CAMTA1: variants seen among roughly 807,000 people sequenced by gnomAD.
CAMTA1 encodes the protein calmodulin binding transcription activator 1.
CAMTA1 carries 27 observed loss-of-function variants against 170.9 expected under a neutral mutation model. The ratio of observed to expected loss-of-function variants is 0.16; its 90% CI spans 0.12 to 0.22. The LOEUF is 0.22. Ranked by LOEUF, CAMTA1 falls within the 10% of genes least tolerant of loss-of-function variation. The pLI, the probability that CAMTA1 is intolerant of heterozygous loss-of-function variation, is 1.00. For synonymous variants in CAMTA1, 833 were observed against 891.5 expected, an observed-to-expected ratio of 0.93 and a Z score of 1.17; for missense variants, 1,619 against 2,217.2, an observed-to-expected ratio of 0.73 and a Z score of 5.42.
intron 6 of CAMTA1, among the ~76,000 whole-genome samples, chr1:7,590,058 CCCTGAGTTTGGATCCTTTT>C (rs2095343594): frequency 6.6e-6 from 1 of 152,294 alleles, no homozygotes; most frequent in Admixed American, 6.5e-5. Flanking sequence ...GAGGGCCAGG[CCCTGAGTTTGGATCCTTTT>C]CCTGGAAGTC....
chr1:7,217,211 C>T (rs1323651982), intron 4 of CAMTA1, among the ~76,000 whole-genome samples: 2 of 152,170 alleles, frequency 1.3e-5, no homozygotes, highest in African/African-American at 4.8e-5. Context: ...TTATAAGGGG[C>T]TTCTCCCCCT....
rs2095994227 is a variant in CAMTA1 at position 7,665,603 on chromosome 1, T to C, written c.2652+404T>C. 6.6e-6 allele frequency among the ~76,000 whole-genome samples: 1 copy of C among 152,096 alleles called. No individual in the cohort carries two copies. The highest frequency in any genetic ancestry group is 2.1e-4 in the South Asian group (1 of 4,824). ...GGTGGGGCCTGCCTATGGTCCCAGCTATTCTGGAGGCTGAGTCCGGAGGAG... is the reference window on the plus strand; with the variant it reads ...GGTGGGGCCTGCCTATGGTCCCAGCCATTCTGGAGGCTGAGTCCGGAGGAG... On this transcript the variant is annotated intron_variant, in intron 9 of 22. Coordinates refer to ENST00000303635, the MANE Select transcript of CAMTA1 (RefSeq NM_015215.4). This position sits in a 1 kb window ranked among gnomAD's most constrained non-coding sequence, Gnocchi z 4.3.
rs1353332363 is a variant in CAMTA1, at chr1:7,180,245, T to C, written c.303-69246T>C. Reference sequence around the variant, plus strand: ...AGCTGAGCATGGTGTCACGTTCCTGTAATCCCAGCTACTTGGGAGGCTGAG... The same window carrying C: ...AGCTGAGCATGGTGTCACGTTCCTGCAATCCCAGCTACTTGGGAGGCTGAG... On this transcript the variant is annotated intron_variant, in intron 4 of 22. Coordinates refer to ENST00000303635, the MANE Select transcript of CAMTA1 (RefSeq NM_015215.4). Among the ~76,000 whole-genome samples the C allele has an allele frequency of 4.6e-5, 7 of 152,002 alleles. 1 individual carries two copies. Among genetic ancestry groups the C allele is most frequent in the Admixed American group, 1.3e-4 (2 of 15,260 alleles).
At chr1:7,611,839 C>T (rs2150685177) in intron 6 of CAMTA1, among the ~76,000 whole-genome samples, 1 of 152,342 alleles carries the variant, frequency 6.6e-6, no homozygotes, top group African/African-American at 2.4e-5. Context: ...CCTTGCCAAG[C>T]CCCCTGTCTT....
chr1:6,944,732 T>C (rs1201759455), intron 3 of CAMTA1, among the ~76,000 whole-genome samples: 2 of 152,262 alleles, frequency 1.3e-5, no homozygotes, highest in African/African-American at 4.8e-5. Flanking sequence ...CTTTCTGACA[T>C]ACTACAGACA....
At chr1:6,907,082 A>G (rs1320155555) in intron 3 of CAMTA1, among the ~76,000 whole-genome samples, 6 of 152,148 alleles carry the variant, frequency 3.9e-5, no homozygotes, top group Admixed American at 2.0e-4. Context: ...TTAAGATCTC[A>G]GTATTTAAAT....
At chr1:6,927,192 T>TATTCATTC (rs71568670) in intron 3 of CAMTA1, among the ~76,000 whole-genome samples, 2 of 151,192 alleles carry the variant, frequency 1.3e-5, no homozygotes, top group Non-Finnish European at 1.5e-5. Context: ...GCCCAGCTAA[T>TATTCATTC]ATTCATTCAT....
chr1:6,954,809 C>T (rs34204447), intron 3 of CAMTA1, among the ~76,000 whole-genome samples: 29 of 152,110 alleles, frequency 1.9e-4, no homozygotes, highest in Admixed American at 1.8e-3. Context: ...GCTGAGCTGG[C>T]GGGGCCCTGC....
chr1:6,913,721 G>A (rs998938181), intron 3 of CAMTA1, among the ~76,000 whole-genome samples: 2 of 152,060 alleles, frequency 1.3e-5, no homozygotes, highest in East Asian at 3.9e-4. Flanking sequence ...AAGGTCCTCA[G>A]GAGGGAGATT....
chr1:7,226,377 T>C (rs1661694113), intron 4 of CAMTA1, among the ~76,000 whole-genome samples: 1 of 152,194 alleles, frequency 6.6e-6, no homozygotes, highest in Non-Finnish European at 1.5e-5. Flanking sequence ...TCCCTAGGAC[T>C]GGGTGCAGAG....
intron 5 of CAMTA1, among the ~76,000 whole-genome samples, chr1:7,428,281 C>T (rs1002026574): frequency 6.6e-6 from 1 of 152,082 alleles, no homozygotes; most frequent in Non-Finnish European, 1.5e-5. Flanking sequence ...CGGGCGAATG[C>T]ACTGTTCCAT....
rs551890093 is a variant in CAMTA1 at position 7,251,483 on chromosome 1, C to T, written c.438+1857C>T. Among the ~76,000 whole-genome samples, 8 of 152,200 alleles carry T rather than the reference C, an allele frequency of 5.3e-5. No individual in the cohort carries two copies. The highest frequency in any genetic ancestry group is 4.1e-4 in the South Asian group (2 of 4,820). On this transcript the variant is annotated intron_variant, in intron 5 of 22. Coordinates refer to ENST00000303635, the MANE Select transcript of CAMTA1 (RefSeq NM_015215.4). The surrounding 1 kb of genome is among the most constrained non-coding windows in gnomAD (Gnocchi z 5.1). The stretch of plus-strand genomic sequence containing the variant: ...TGGCAGTGTGGGCAGCGGGAAGAGC[C>T]GGTGACACGATGCTTGCTTTGGGTT...
chr1:7,104,531 G>T (rs1366101737), intron 4 of CAMTA1, among the ~76,000 whole-genome samples: 1 of 152,210 alleles, frequency 6.6e-6, no homozygotes, highest in African/African-American at 2.4e-5. Flanking sequence ...GAGCTCTGGG[G>T]GAACTGGATC....
At chr1:7,009,764 G>A (rs1233048649) in intron 3 of CAMTA1, among the ~76,000 whole-genome samples, 1 of 152,240 alleles carries the variant, frequency 6.6e-6, no homozygotes, top group Non-Finnish European at 1.5e-5. Context: ...GAGCCTCTAA[G>A]GCAGCTTGGA....
intron 3 of CAMTA1, among the ~76,000 whole-genome samples, chr1:6,851,520 C>T (rs1660351950): frequency 6.6e-6 from 1 of 152,122 alleles, no homozygotes; most frequent in Non-Finnish European, 1.5e-5. Context: ...TCATAACAGG[C>T]AAAAGCCATC....
At chr1:7,137,140 G>A (rs138498732) in intron 4 of CAMTA1, among the ~76,000 whole-genome samples, 16 of 151,984 alleles carry the variant, frequency 1.1e-4, no homozygotes, top group Non-Finnish European at 7.4e-5. Flanking sequence ...GGGAGTCATC[G>A]TTTATTGTAT....
intron 3 of CAMTA1, among the ~76,000 whole-genome samples, chr1:6,941,790 T>C (rs1686677866): frequency 6.6e-6 from 1 of 152,210 alleles, no homozygotes; most frequent in South Asian, 2.1e-4. Flanking sequence ...GGCCTGCAGT[T>C]CTGCTCCTGT....
intron 3 of CAMTA1, among the ~76,000 whole-genome samples, chr1:7,001,417 C>T (rs1698190655): frequency 6.6e-6 from 1 of 152,234 alleles, no homozygotes; most frequent in Admixed American, 6.5e-5. Flanking sequence ...ACTTTGCACG[C>T]TGACCTGCTA....
chr1:7,384,802 A>T (rs1397506516), intron 5 of CAMTA1, among the ~76,000 whole-genome samples: 1 of 152,116 alleles, frequency 6.6e-6, no homozygotes, highest in Non-Finnish European at 1.5e-5. Flanking sequence ...AGTTCCTGGC[A>T]AGGACCCTGG....
Sources: allele counts gnomAD v4.1 joint callset (sites outside exome capture counted in the v4.1 genomes callset), GRCh38; gene constraint gnomAD v4.1.1; non-coding constraint Gnocchi (gnomAD v3.1); transcripts MANE v1.5; gene names NCBI Gene and HGNC (gene_info 2026-07-23, HGNC 2026-07-21).